SCAI: variants seen among roughly 807,000 people sequenced by gnomAD.
The protein encoded by SCAI is protein SCAI.
Under a neutral mutation model 92.2 loss-of-function variants are expected in SCAI, and 24 were observed. The observed-to-expected ratio is 0.26, with a 90% CI of 0.19 to 0.37. The LOEUF (loss-of-function observed/expected upper bound fraction) is 0.37, where lower values mean the gene tolerates loss of function less well. SCAI is among the 10% of genes least tolerant of loss of function. SCAI has a pLI of 1.00. For missense variants in SCAI, 450 were observed against 736.2 expected (o/e 0.61, Z 4.50); for synonymous variants, 261 against 258.6 (o/e 1.01, Z -0.09).
At chr9:124,993,923 A>T (rs543489036) in intron 14 of SCAI, among the ~76,000 whole-genome samples, 1 of 152,274 alleles carries the variant, frequency 6.6e-6, no homozygotes, top group South Asian at 2.1e-4. Context: ...ATTTTTCACT[A>T]ATCAAACATT....
intron 9 of SCAI, among the ~76,000 whole-genome samples, chr9:125,010,729 C>T (rs1224840718): frequency 2.0e-5 from 3 of 152,200 alleles, no homozygotes; most frequent in African/African-American, 7.2e-5. Context: ...AGACTGCCTC[C>T]TCAAGTGGGT....
At chr9:125,087,762 G>C (rs143581116) in intron 2 of SCAI, among the ~76,000 whole-genome samples, 49 of 152,228 alleles carry the variant, frequency 3.2e-4, no homozygotes, top group Non-Finnish European at 1.5e-5. Context: ...AAGAGATAAT[G>C]AATCAGGGAA....
chr9:124,967,070 C>T (rs1737534798), intron 17 of SCAI, among the ~76,000 whole-genome samples: 1 of 152,038 alleles, frequency 6.6e-6, no homozygotes, highest in Non-Finnish European at 1.5e-5. Context: ...GTTTTAATGT[C>T]CTGGAGCCTT....
chr9:125,037,429 AAAAG>A (rs902106299), intron 3 of SCAI, among the ~76,000 whole-genome samples: 2 of 151,982 alleles, frequency 1.3e-5, no homozygotes, highest in Non-Finnish European at 2.9e-5. Context: ...AAAAGAAAAG[AAAAG>A]AAAGAAGAAA....
intron 2 of SCAI, among the ~76,000 whole-genome samples, chr9:125,110,631 C>G (rs1834911230): frequency 6.6e-6 from 1 of 152,166 alleles, no homozygotes; most frequent in South Asian, 2.1e-4. Flanking sequence ...CTCTCTTGCT[C>G]CTGCTCCAGC....
At chr9:125,137,054 G>C (rs1835552192) in intron 2 of SCAI, among the ~76,000 whole-genome samples, 1 of 152,164 alleles carries the variant, frequency 6.6e-6, no homozygotes, top group African/African-American at 2.4e-5. Flanking sequence ...ACCGCGCCCG[G>C]CCTAACACCT....
intron 9 of SCAI, among the ~76,000 whole-genome samples, chr9:125,006,854 C>T (rs894528644): frequency 3.9e-5 from 6 of 152,220 alleles, no homozygotes; most frequent in Admixed American, 2.6e-4. Flanking sequence ...TGTGCTGGCT[C>T]GCACCTGTAA....
At chr9:125,063,013 C>T (rs1301186938) in intron 2 of SCAI, among the ~76,000 whole-genome samples, 7 of 93,038 alleles carry the variant, frequency 7.5e-5, no homozygotes, top group Non-Finnish European at 1.6e-4. Flanking sequence ...AGTGAGACTC[C>T]GTCTCAAAAA....
intron 2 of SCAI, among the ~76,000 whole-genome samples, chr9:125,130,935 G>T (rs937456217): frequency 5.4e-5 from 5 of 92,730 alleles, no homozygotes; most frequent in South Asian, 6.8e-4. Flanking sequence ...GGTTTGAACC[G>T]CTTTTTTTTT....
intron 9 of SCAI, among the ~76,000 whole-genome samples, chr9:125,011,826 G>T (rs865856986): frequency 3.3e-5 from 5 of 152,188 alleles, no homozygotes; most frequent in African/African-American, 9.7e-5. Flanking sequence ...GACTAACAGC[G>T]GATGTCTTGG....
chr9:124,948,540 G>C lies in SCAI; in HGVS notation c.*4267C>G, dbSNP rs950779610. 2 of 152,154 alleles carry C rather than the reference G, an allele frequency of 1.3e-5. No homozygotes were observed. The highest frequency in any genetic ancestry group is 6.5e-5 in the Admixed American group (1 of 15,274). The allele number at this position is 152,154 out of a possible 1,614,324, so 9.4% of individuals were successfully genotyped here. On this transcript the variant is annotated 3_prime_UTR_variant, in exon 18 of 18. Coordinates refer to ENST00000336505, the MANE Select transcript of SCAI (RefSeq NM_001144877.3). ...GCAGTCTGAGCTACTGAGAAGACTG[G>C]GCTGAGATGAGGAGATCTGAGTTTT...
chr9:125,071,269 T>C (rs1639651003), intron 2 of SCAI, among the ~76,000 whole-genome samples: 1 of 152,210 alleles, frequency 6.6e-6, no homozygotes, highest in South Asian at 2.1e-4. Context: ...CATGGTGTTG[T>C]GTGCCTATAG....
At position 125,062,285 on chromosome 9, in the gene SCAI, G is replaced by A. The variant is rs575576176; in HGVS notation, c.99-6278C>T. ...GGTCTCCAGGCACACCACCATGCTC[G>A]GCTAATTTTTTGTATTTTTTTGTAG... On this transcript the variant is annotated intron_variant, in intron 2 of 17. Transcript: ENST00000336505. 5.9e-5 allele frequency among the ~76,000 whole-genome samples: 9 copies of A among 151,308 alleles called. No individual in the cohort carries two copies. The East Asian group carries it at 1.2e-3, about 20-fold the overall frequency.
intron 9 of SCAI, among the ~76,000 whole-genome samples, chr9:125,017,637 A>G (rs942755439): frequency 6.6e-6 from 1 of 152,178 alleles, no homozygotes. Flanking sequence ...TTTCATTTCT[A>G]GTACATTAAA....
intron 7 of SCAI, among the ~76,000 whole-genome samples, chr9:125,020,129 G>A (rs1315169363): frequency 6.6e-6 from 1 of 150,736 alleles, no homozygotes; most frequent in Non-Finnish European, 1.5e-5. Flanking sequence ...CAACTGGCAT[G>A]TTATACTTGA....
At chr9:124,993,326 C>T (rs1026055650) in intron 14 of SCAI, among the ~76,000 whole-genome samples, 6 of 152,150 alleles carry the variant, frequency 3.9e-5, no homozygotes, top group African/African-American at 1.4e-4. Context: ...CGGTGGAACA[C>T]GCCTGTAATC....
At chr9:125,093,341 A>G (rs1834478812) in intron 2 of SCAI, among the ~76,000 whole-genome samples, 2 of 152,138 alleles carry the variant, frequency 1.3e-5, no homozygotes, top group African/African-American at 4.8e-5. Flanking sequence ...AGCCTGGGCA[A>G]CAGAACAAAA....
At chr9:125,086,727 G>T (rs1035958367) in intron 2 of SCAI, among the ~76,000 whole-genome samples, 1 of 152,208 alleles carries the variant, frequency 6.6e-6, no homozygotes, top group African/African-American at 2.4e-5. Flanking sequence ...CAAGAGTGGC[G>T]TGGGTAAGAG....
At chr9:124,994,516 G>A (rs1832200627) in intron 14 of SCAI, among the ~76,000 whole-genome samples, 1 of 152,088 alleles carries the variant, frequency 6.6e-6, no homozygotes. Flanking sequence ...AATATTCAAA[G>A]ACTAAAACTA....
Sources: gnomAD v4.1 joint callset for allele counts (sites outside exome capture counted in the v4.1 genomes callset) on GRCh38, gnomAD v4.1.1 for gene constraint, MANE v1.5 for transcripts, NCBI Gene and HGNC (gene_info 2026-07-23, HGNC 2026-07-21) for gene names.